PHLDA1: variants seen among roughly 807,000 people sequenced by gnomAD.
PHLDA1 encodes the protein pleckstrin homology like domain family A member 1, also known as pleckstrin homology-like domain family A member 1.
In PHLDA1, 28 loss-of-function variants were observed where a neutral mutation model predicts 33.8. That is an observed-to-expected ratio of 0.83 (90% confidence interval 0.61 to 1.14). The LOEUF (loss-of-function observed/expected upper bound fraction) is 1.14, where lower values mean the gene tolerates loss of function less well. PHLDA1 is among the 50% of genes most tolerant of loss of function. The probability of loss-of-function intolerance (pLI) is 0.00; values close to 1 mark genes in which losing one functional copy is unlikely to be tolerated. For missense variants in PHLDA1, 595 were observed against 548.6 expected, an observed-to-expected ratio of 1.08 and a Z score of -0.84; for synonymous variants, 271 against 243.6, an observed-to-expected ratio of 1.11 and a Z score of -1.05.
intron 1 of PHLDA1, 35 bp downstream of exon 1, chr12:76,030,475 C>A: frequency 6.5e-7 from 1 of 1,549,604 alleles, no homozygotes; most frequent in Non-Finnish European, 8.8e-7. Context: ...ACCCCCGAGA[C>A]CCACTCCTCG....
exon 2 of PHLDA1, chr12:76,029,036 T>C (rs1022623860): frequency 6.6e-6 from 1 of 152,170 alleles, no homozygotes; most frequent in Non-Finnish European, 1.5e-5. Flanking sequence ...ACAAAAGTTA[T>C]GACTCCTAGA....
chr12:76,029,899 A>G (rs1181657931), exon 2 of PHLDA1: 1 of 152,944 alleles, frequency 6.5e-6, no homozygotes, highest in Non-Finnish European at 1.5e-5. Flanking sequence ...GTTCATAAAT[A>G]AAAGTCTTCT....
At chr12:76,030,626 C>T (rs1459431518) in exon 1 of PHLDA1, 3 of 1,533,840 alleles carry the variant, frequency 2.0e-6, no homozygotes, top group African/African-American at 1.4e-5. Flanking sequence ...GGTGCGGATG[C>T]GGGTGCGGGT....
chr12:76,026,936 T>C (rs954816859), exon 2 of PHLDA1: 14 of 152,218 alleles, frequency 9.2e-5, no homozygotes, highest in African/African-American at 3.4e-4. Flanking sequence ...GCTGGGAAGT[T>C]ACACATTTTG....
At chr12:76,028,129 C>T (rs1870816276) in exon 2 of PHLDA1, 1 of 152,030 alleles carries the variant, frequency 6.6e-6, no homozygotes, top group Admixed American at 6.5e-5. Flanking sequence ...GAAGCTGAAC[C>T]AAACTTGATT....
In PHLDA1 at chr12:76,031,205, C is replaced by T; in HGVS notation, c.537G>A (p.Leu179=). 2 of 1,613,518 alleles carry T rather than the reference C, an allele frequency of 1.2e-6. No homozygotes were observed. The highest frequency in any genetic ancestry group is 1.7e-6 in the Non-Finnish European group (2 of 1,179,876). The change falls in exon 1 of 2, where the codon CTG becomes CTA. Residue 179 remains leucine (L), a synonymous_variant. Transcript: ENST00000266671. The surrounding 1 kb of genome is among the most constrained non-coding windows in gnomAD (Gnocchi z 5.4). ...GCAGCTGCTTGGGCGGGATAAGCAG[C>T]AGCCCTTCCTCGGTGAGGATGCAAC... is the stretch of plus-strand genomic sequence containing the variant.
exon 1 of PHLDA1, chr12:76,030,665 GTGTGGATGTGGA>G: frequency 7.8e-7 from 1 of 1,276,672 alleles, no homozygotes; most frequent in Non-Finnish European, 1.1e-6. Flanking sequence ...GAGGATGAGA[GTGTGGATGTGGA>G]TGTGGATGCG....
chr12:76,031,507 G>T lies in PHLDA1; in HGVS notation c.235C>A (p.Leu79Ile). ...GGCGGCGGCTCTGGGTCCCGGCAGAGGGACAGCCGCGTCCTGATGCGCCAC... is the reference window on the plus strand; with the variant it reads ...GGCGGCGGCTCTGGGTCCCGGCAGATGGACAGCCGCGTCCTGATGCGCCAC... Residue 79 changes from leucine (L) to isoleucine (I), a missense_variant, in exon 1 of 2, where the codon CTC becomes ATC. Leu to Ile is a conservative substitution (Grantham distance 5). Around this residue, in one of 3 missense-constraint regions of PHLDA1, gnomAD observed 263 missense variants for 232.3 expected, o/e 1.13. Transcript: ENST00000266671. The surrounding 1 kb of genome is among the most constrained non-coding windows in gnomAD (Gnocchi z 5.4). The T allele has an allele frequency of 6.6e-7, 1 of 1,521,698 alleles. No homozygotes were observed. Among genetic ancestry groups the T allele is most frequent in the Non-Finnish European group, 8.8e-7 (1 of 1,137,068 alleles). The allele number at this position is 1,521,698 out of a possible 1,614,324, so 94.3% of individuals were successfully genotyped here. A position where few individuals can be genotyped will look rare whatever the true frequency, so the allele number is the denominator to read the frequency against.
chr12:76,030,878 G>A (rs762073001), exon 1 of PHLDA1: 2 of 1,611,602 alleles, frequency 1.2e-6, no homozygotes, highest in Non-Finnish European at 1.7e-6. Context: ...CCGCCAGGAT[G>A]GCCTGACGAT....
At chr12:76,030,809 C>A in exon 1 of PHLDA1, 1 of 1,538,398 alleles carries the variant, frequency 6.5e-7, no homozygotes. Flanking sequence ...GCTGCGGCTG[C>A]GGCTGCGAGG....
At chr12:76,027,465 A>G (rs1345088861) in exon 2 of PHLDA1, 2 of 152,206 alleles carry the variant, frequency 1.3e-5, no homozygotes, top group African/African-American at 4.8e-5. Flanking sequence ...GAAAGTCAAG[A>G]AACCATTATT....
rs1166981250 is a variant in PHLDA1 at position 76,031,589 on chromosome 12, G to A, written c.153C>T (p.Phe51=). 1.9e-6 allele frequency: 3 copies of A among 1,578,952 alleles called. No homozygotes were observed. The Admixed American group carries it at 5.3e-5, about 28-fold the overall frequency. Residue 51 remains phenylalanine, a synonymous_variant, in exon 1 of 2, where the codon TTC becomes TTT. Coordinates refer to ENST00000266671, the Ensembl canonical transcript of PHLDA1. This position sits in a 1 kb window ranked among gnomAD's most constrained non-coding sequence, Gnocchi z 5.4. Reference sequence around the variant, plus strand: ...TGCCGTCCTCTTGCGAGCGCTCACTGAAGGGCACTGGCCGGGCCCCCTCGC... The same window carrying A: ...TGCCGTCCTCTTGCGAGCGCTCACTAAAGGGCACTGGCCGGGCCCCCTCGC...
chr12:76,030,283 C>A (rs937785238), intron 1 of PHLDA1, among the ~76,000 whole-genome samples, 191 bp from the exon 2 acceptor site: 4 of 152,196 alleles, frequency 2.6e-5, no homozygotes, highest in Non-Finnish European at 5.9e-5. Flanking sequence ...GGCGCGGGCG[C>A]GGGCGCGGTC....
chr12:76,030,835 C>A (rs78921231), exon 1 of PHLDA1: 3 of 1,585,322 alleles, frequency 1.9e-6, no homozygotes, highest in South Asian at 2.3e-5. Flanking sequence ...TGCTGCTGGA[C>A]CAGGTGCTGC....
rs1421603978 is a variant in PHLDA1, at chr12:76,030,134, C to T, written c.*27-42G>A. On this transcript the variant is annotated intron_variant, in intron 1 of 1. Transcript: ENST00000266671. Reference sequence around the variant, plus strand: ...CCGAGTGAAGTAGGTGGCTAAGAACCCTCCGAGACCAGTTCTGTTCGGGCC... The same window carrying T: ...CCGAGTGAAGTAGGTGGCTAAGAACTCTCCGAGACCAGTTCTGTTCGGGCC... 2.1e-5 allele frequency: 5 copies of T among 236,332 alleles called. No individual in the cohort carries two copies. In the East Asian group the frequency reaches 3.2e-4, roughly 15 times the overall value. The allele number at this position is 236,332 out of a possible 1,614,324, so 14.6% of individuals were successfully genotyped here.
chr12:76,031,044 T>G lies in PHLDA1; in HGVS notation c.698A>C (p.His233Pro). 5 of 1,611,574 alleles carry G rather than the reference T, an allele frequency of 3.1e-6. No individual in the cohort carries two copies. The highest frequency in any genetic ancestry group is 4.2e-6 in the Non-Finnish European group (5 of 1,179,938). ...GTCCACGGTCTTCATGTTGGAGAAG[T>G]GCAGTTCCTTGAGCTTGACCGGCGG... The change falls in exon 1 of 2, where the codon CAC becomes CCC. Residue 233 changes from histidine (H) to proline (P), a missense_variant. His to Pro is a moderately conservative substitution (Grantham distance 77). Coordinates refer to ENST00000266671, the Ensembl canonical transcript of PHLDA1. The surrounding 1 kb of genome is among the most constrained non-coding windows in gnomAD (Gnocchi z 5.4).
chr12:76,031,648 G>T lies in PHLDA1; in HGVS notation c.94C>A (p.Arg32=). 2 of 1,539,618 alleles carry T rather than the reference G, an allele frequency of 1.3e-6. No homozygotes were observed. The highest frequency in any genetic ancestry group is 8.7e-7 in the Non-Finnish European group (1 of 1,144,124). The stretch of plus-strand genomic sequence containing the variant: ...TGAATGGGCCATCTTCCCCACCCCC[G>T]AGTGACACCCAGCGGAAAAGGCGGC... Residue 32 remains arginine (R), a synonymous_variant, in exon 1 of 2, where the codon CGG becomes AGG. Transcript: ENST00000266671. The surrounding 1 kb of genome is among the most constrained non-coding windows in gnomAD (Gnocchi z 5.4).
chr12:76,028,410 T>C (rs1428766321), exon 2 of PHLDA1: 1 of 152,208 alleles, frequency 6.6e-6, no homozygotes, highest in Non-Finnish European at 1.5e-5. Flanking sequence ...TAATTTTCCC[T>C]GCAACTTTTT....
Position 76,031,079 on chromosome 12 carries a change from G to A in PHLDA1, c.663C>T (p.Ala221=). ...TGAGCTTGACCGGCGGCTCGAGGCT[G>A]GCGACAGCGGGGCCACTGGGTTGGG... The change falls in exon 1 of 2, where the codon GCC becomes GCT. Residue 221 remains alanine (A), a synonymous_variant. Transcript: ENST00000266671. The surrounding 1 kb of genome is among the most constrained non-coding windows in gnomAD (Gnocchi z 5.4). 3.7e-6 allele frequency: 6 copies of A among 1,609,934 alleles called. No homozygotes were observed. Among genetic ancestry groups the A allele is most frequent in the Non-Finnish European group, 5.1e-6 (6 of 1,179,926 alleles).
Sources: allele counts gnomAD v4.1 joint callset (sites outside exome capture counted in the v4.1 genomes callset), GRCh38; gene constraint gnomAD v4.1.1; regional missense constraint gnomAD v4.1.1; non-coding constraint Gnocchi (gnomAD v3.1); transcripts MANE v1.5; gene names NCBI Gene and HGNC (gene_info 2026-07-23, HGNC 2026-07-21).